The following RASGRF2 variants were observed in gnomAD, a reference collection of about 807,000 sequenced individuals.
RASGRF2 encodes the protein Ras protein specific guanine nucleotide releasing factor 2.
Under a neutral mutation model 151.0 loss-of-function variants are expected in RASGRF2, and 76 were observed. The ratio of observed to expected loss-of-function variants is 0.50; its 90% confidence interval spans 0.42 to 0.61. The LOEUF is 0.61. RASGRF2 is among the 20% of genes least tolerant of loss of function. RASGRF2 has a pLI of 0.00. For missense variants in RASGRF2, 1,148 were observed against 1,564.6 expected, an observed-to-expected ratio of 0.73 and a Z score of 4.49; for synonymous variants, 504 against 566.5, an observed-to-expected ratio of 0.89 and a Z score of 1.57.
chr5:81,214,152 C>G (rs537160762), intron 23 of RASGRF2, among the ~76,000 whole-genome samples: 8 of 152,206 alleles, frequency 5.3e-5, no homozygotes, highest in Non-Finnish European at 1.0e-4. Flanking sequence ...TGATAGGATG[C>G]TGGTTTAGGA....
chr5:80,963,774 G>A (rs1346187953), intron 1 of RASGRF2, among the ~76,000 whole-genome samples: 1 of 152,138 alleles, frequency 6.6e-6, no homozygotes, highest in Non-Finnish European at 1.5e-5. Context: ...CACATTGGAG[G>A]GCGACATATT....
At chr5:81,106,952 A>G (rs1332822530) in intron 12 of RASGRF2, among the ~76,000 whole-genome samples, 1 of 152,192 alleles carries the variant, frequency 6.6e-6, no homozygotes, top group Non-Finnish European at 1.5e-5. Context: ...CCAGACCAGC[A>G]GAGGAAGGAT....
chr5:81,057,694 C>T (rs770444607), intron 2 of RASGRF2, among the ~76,000 whole-genome samples: 3 of 151,966 alleles, frequency 2.0e-5, no homozygotes, highest in Non-Finnish European at 4.4e-5. Context: ...GTGATGAGGA[C>T]ATTAAAAAAC....
chr5:81,112,984 G>A (rs113391039), intron 14 of RASGRF2, 126 bp downstream of exon 14: 1 of 1,237,812 alleles, frequency 8.1e-7, no homozygotes, highest in Non-Finnish European at 1.1e-6. Context: ...GCCTCTGAAT[G>A]TACCATGCCC....
chr5:81,178,492 A>G (rs575612743), intron 17 of RASGRF2, among the ~76,000 whole-genome samples: 1 of 152,318 alleles, frequency 6.6e-6, no homozygotes, highest in South Asian at 2.1e-4. Flanking sequence ...GCGTATATGG[A>G]TCTGGAACTC....
At chr5:81,019,680 G>A (rs536292194) in intron 1 of RASGRF2, 1 of 152,278 alleles carries the variant, frequency 6.6e-6, no homozygotes, top group African/African-American at 2.4e-5. Flanking sequence ...TTTTTCTGCT[G>A]TATGCTTTTA....
chr5:81,127,923 C>CAAAAAAAAAAAAAAAAAAAAAA (rs60196392), intron 17 of RASGRF2, among the ~76,000 whole-genome samples: 1 of 64,882 alleles, frequency 1.5e-5, no homozygotes, highest in African/African-American at 6.0e-5. Flanking sequence ...GACTCCGTCT[C>CAAAAAAAAAAAAAAAAAAAAAA]AAAAAAAAAA....
chr5:81,127,673 T>C (rs370776824), intron 17 of RASGRF2, among the ~76,000 whole-genome samples: 5 of 152,098 alleles, frequency 3.3e-5, no homozygotes, highest in African/African-American at 1.2e-4. Context: ...CCTGTAATCC[T>C]AGCACTTTGG....
intron 18 of RASGRF2, chr5:81,183,313 A>G (rs1754959358): frequency 3.1e-6 from 3 of 981,022 alleles, no homozygotes; most frequent in Admixed American, 6.1e-5. Context: ...CTCACTTCTC[A>G]TCAAAGGTAA....
intron 17 of RASGRF2, among the ~76,000 whole-genome samples, chr5:81,149,394 G>A (rs934406773): frequency 7.3e-4 from 111 of 152,094 alleles, no homozygotes; most frequent in African/African-American, 2.4e-3. Context: ...ACCAAACATC[G>A]TATGTTCTCA....
intron 7 of RASGRF2, among the ~76,000 whole-genome samples, chr5:81,085,528 T>C (rs111865364): frequency 8.5e-5 from 13 of 152,218 alleles, no homozygotes; most frequent in African/African-American, 2.9e-4. Context: ...TGTATGATTA[T>C]GTAAAAAAAA....
intron 17 of RASGRF2, among the ~76,000 whole-genome samples, chr5:81,152,637 AG>A (rs1189976297): frequency 6.6e-6 from 1 of 152,230 alleles, no homozygotes; most frequent in Non-Finnish European, 1.5e-5. Flanking sequence ...TAGAGTGAGG[AG>A]CTCAGCAAAT....
intron 26 of RASGRF2, 30 bp from the exon 27 acceptor site, chr5:81,225,648 T>A: frequency 6.2e-7 from 1 of 1,609,532 alleles, no homozygotes. Flanking sequence ...CTGAAAGAGG[T>A]AAAAGCTGGG....
At chr5:80,991,565 C>T (rs946082945) in intron 1 of RASGRF2, among the ~76,000 whole-genome samples, 4 of 152,168 alleles carry the variant, frequency 2.6e-5, no homozygotes, top group African/African-American at 9.7e-5. Flanking sequence ...ACCCCAAAGT[C>T]CCACCTTACA....
At chr5:80,975,024 T>C (rs1748068315) in intron 1 of RASGRF2, among the ~76,000 whole-genome samples, 1 of 152,128 alleles carries the variant, frequency 6.6e-6, no homozygotes, top group Non-Finnish European at 1.5e-5. Context: ...AGTATAGCCT[T>C]CCCAGAGTCT....
intron 2 of RASGRF2, among the ~76,000 whole-genome samples, chr5:81,065,497 C>T (rs1751575167): frequency 6.6e-6 from 1 of 152,116 alleles, no homozygotes; most frequent in African/African-American, 2.4e-5. Flanking sequence ...GAAAGCAGAC[C>T]TTGCACTGTC....
chr5:81,136,926 G>T (rs1036622198), intron 17 of RASGRF2, among the ~76,000 whole-genome samples: 3 of 97,134 alleles, frequency 3.1e-5, no homozygotes, highest in Non-Finnish European at 8.0e-5. Context: ...CTTCATTTCC[G>T]TGTCTGTGTT....
intron 5 of RASGRF2, among the ~76,000 whole-genome samples, 196 bp from the exon 6 acceptor site, chr5:81,079,925 T>A (rs912003033): frequency 6.6e-6 from 1 of 152,174 alleles, no homozygotes; most frequent in African/African-American, 2.4e-5. Flanking sequence ...AATATTTGAA[T>A]GTTATATCAG....
chr5:81,070,675 C>T (rs111560867), intron 4 of RASGRF2, 94 bp downstream of exon 4: 18,907 of 1,090,284 alleles, frequency 0.017, 194 homozygotes, highest in African/African-American at 0.025. Context: ...GAGCCGGGAG[C>T]AGCCTTGGTG....
Sources: allele counts gnomAD v4.1 joint callset (sites outside exome capture counted in the v4.1 genomes callset), GRCh38; gene constraint gnomAD v4.1.1; transcripts MANE v1.5; gene names NCBI Gene and HGNC (gene_info 2026-07-23, HGNC 2026-07-21).